KYAT1: variants seen among roughly 807,000 people sequenced by gnomAD.
KYAT1 encodes the protein kynurenine aminotransferase 1, also known as kynurenine--oxoglutarate transaminase 1.
A neutral mutation model predicts 52.4 loss-of-function variants in KYAT1; 47 were observed. That is an observed-to-expected ratio of 0.90 (90% CI 0.71 to 1.14). The LOEUF (loss-of-function observed/expected upper bound fraction) is 1.14. Among genes scored for constraint, KYAT1 ranks in the 50% most tolerant of loss-of-function variants. The pLI is 0.00. For synonymous variants in KYAT1, 212 were observed against 209.6 expected (o/e 1.01, Z -0.10); for missense variants, 480 against 557.9 (o/e 0.86, Z 1.41).
At chr9:128,847,064 C>T (rs1833214738) in intron 1 of KYAT1, among the ~76,000 whole-genome samples, 1 of 152,158 alleles carries the variant, frequency 6.6e-6, no homozygotes. Context: ...AATCTCAACA[C>T]CAGGCCCCCC....
At chr9:128,840,259 A>C (rs1302411332) in intron 3 of KYAT1, among the ~76,000 whole-genome samples, 3 of 132,140 alleles carry the variant, frequency 2.3e-5, no homozygotes, top group Non-Finnish European at 4.8e-5. Flanking sequence ...TAACATAAGG[A>C]GACCCTGTCT....
chr9:128,869,505 G>A (rs1375549842), intron 1 of KYAT1, among the ~76,000 whole-genome samples: 1 of 152,302 alleles, frequency 6.6e-6, no homozygotes, highest in East Asian at 1.9e-4. Context: ...TCAACAAAGG[G>A]TGCTGGGACA....
At chr9:128,833,930 T>G in intron 11 of KYAT1, 104 bp from the exon 12 acceptor site, 1 of 841,122 alleles carries the variant, frequency 1.2e-6, no homozygotes, top group African/African-American at 1.7e-5. Flanking sequence ...GAAGGAGAGT[T>G]AGCTCCAATC....
chr9:128,840,392 G>A (rs1564456077), intron 3 of KYAT1, among the ~76,000 whole-genome samples: 1 of 152,142 alleles, frequency 6.6e-6, no homozygotes, highest in African/African-American at 2.4e-5. Context: ...CCAAGTAGTT[G>A]GGATTACAGG....
intron 1 of KYAT1, among the ~76,000 whole-genome samples, chr9:128,851,833 T>C (rs1287166864): frequency 6.6e-6 from 1 of 152,166 alleles, no homozygotes; most frequent in Non-Finnish European, 1.5e-5. Flanking sequence ...TTACAGGAGG[T>C]AATATATCCT....
In KYAT1 at chr9:128,837,024, T is replaced by C. The variant is rs1223268034; in HGVS notation, c.568-102A>G. On this transcript the variant is annotated intron_variant, in intron 6 of 12. Coordinates refer to ENST00000302586, the MANE Select transcript of KYAT1 (RefSeq NM_004059.5). ...AGAACACAGCTGCGGCCAGGTGCGG[T>C]GGCTCACGCCTGTAATCCTAGCACT... 8.2e-6 allele frequency: 12 copies of C among 1,455,486 alleles called. No homozygotes were observed. In the Admixed American group the frequency reaches 2.2e-4, roughly 26 times the overall value. 90.2% of individuals were successfully genotyped at this position (1,455,486 alleles called of 1,614,324 possible). A position where few individuals can be genotyped will look rare whatever the true frequency, so the allele number is the denominator to read the frequency against.
At chr9:128,869,608 T>G (rs974693432) in intron 1 of KYAT1, among the ~76,000 whole-genome samples, 2 of 152,092 alleles carry the variant, frequency 1.3e-5, no homozygotes. Context: ...CTTCGAAAAT[T>G]TTTATTGCAG....
In KYAT1 at chr9:128,842,698, C is replaced by T. The variant is rs182982386; in HGVS notation, c.157G>A (p.Ala53Thr). 430 of 1,614,134 alleles carry T rather than the reference C, an allele frequency of 2.7e-4. 1 individual carries two copies. The African/African-American group carries it at 4.9e-3, about 19-fold the overall frequency. Residue 53 changes from alanine (A) to threonine (T), a missense_variant, in exon 3 of 13, where the codon GCT becomes ACT. Transcript: ENST00000302586. Reference protein sequence around the residue: ...PDFAVEAFQHAVSGDFMLNQY... With the variant: ...PDFAVEAFQHTVSGDFMLNQY... ...TTAAGCATGAAGTCTCCACTGACAGCGTGCTGAAAGGCTTCCACGGCAAAG... is the reference window on the plus strand; with the variant it reads ...TTAAGCATGAAGTCTCCACTGACAGTGTGCTGAAAGGCTTCCACGGCAAAG...
rs747964382 is a variant in KYAT1 at position 128,835,552 on chromosome 9, A to G, written c.971T>C (p.Leu324Pro). 3.7e-6 allele frequency: 6 copies of G among 1,613,698 alleles called. No homozygotes were observed. The highest frequency in any genetic ancestry group is 5.1e-6 in the Non-Finnish European group (6 of 1,180,014). Reference sequence around the variant, plus strand: ...GATGGGCTTCAGGCCCACTGACTGTAGGCTACGTATCATGTGGTCACGGCA... The same window carrying G: ...GATGGGCTTCAGGCCCACTGACTGTGGGCTACGTATCATGTGGTCACGGCA... ...QRCRDHMIRS[L>P]QSVGLKPIIP... Residue 324 changes from leucine (L) to proline (P), a missense_variant, in exon 10 of 13, where the codon CTA becomes CCA. Coordinates refer to ENST00000302586, the MANE Select transcript of KYAT1 (RefSeq NM_004059.5).
chr9:128,867,010 C>G (rs61233441), intron 1 of KYAT1, among the ~76,000 whole-genome samples: 8,425 of 152,072 alleles, frequency 0.055, 277 homozygotes, highest in African/African-American at 0.096. Context: ...TCAGATGGGC[C>G]AAGACAAACT....
chr9:128,865,335 ATATATATATATATATATATATATATTTT>A (rs1836138128), intron 1 of KYAT1, among the ~76,000 whole-genome samples: 1 of 1,558 alleles, frequency 6.4e-4, no homozygotes, highest in African/African-American at 1.3e-3. Flanking sequence ...ATATATATAT[ATATATATATATATATATATATATATTTT>A]TTTTTTTTTT....
chr9:128,846,599 CCAAA>C, intron 1 of KYAT1: 7 of 805,834 alleles, frequency 8.7e-6, no homozygotes, highest in Non-Finnish European at 1.0e-5. Flanking sequence ...CAAGACTCTA[CCAAA>C]AAAAAAAAAA....
At chr9:128,856,752 A>C (rs951582575) in intron 1 of KYAT1, among the ~76,000 whole-genome samples, 1 of 152,238 alleles carries the variant, frequency 6.6e-6, no homozygotes, top group African/African-American at 2.4e-5. Context: ...GGCACAACGC[A>C]CTGCGGAAAG....
intron 1 of KYAT1, among the ~76,000 whole-genome samples, chr9:128,876,350 G>A (rs1181840287): frequency 2.0e-5 from 3 of 150,392 alleles, no homozygotes; most frequent in Non-Finnish European, 4.4e-5. Flanking sequence ...GCCTCCTAAA[G>A]TCCTGGGATT....
At chr9:128,877,791 T>C (rs568828888) in intron 1 of KYAT1, among the ~76,000 whole-genome samples, 1 of 152,338 alleles carries the variant, frequency 6.6e-6, no homozygotes, top group East Asian at 1.9e-4. Context: ...GGGAGAGCTA[T>C]CTGGAGCCTT....
upstream of KYAT1, chr9:128,882,490 C>T (rs1196485722): frequency 1.0e-5 from 4 of 387,040 alleles, no homozygotes; most frequent in Non-Finnish European, 1.4e-5. Context: ...CCAGGCACCC[C>T]TGTGCCTCCT....
At chr9:128,879,810 C>T (rs1355178201) in intron 1 of KYAT1, among the ~76,000 whole-genome samples, 1 of 152,218 alleles carries the variant, frequency 6.6e-6, no homozygotes, top group Non-Finnish European at 1.5e-5. Flanking sequence ...GGGCTTCCGC[C>T]CTCAAAGTAC....
At chr9:128,846,537 T>A (rs1297889516) in intron 1 of KYAT1, 1 of 554,408 alleles carries the variant, frequency 1.8e-6, no homozygotes, top group Non-Finnish European at 3.1e-6. Flanking sequence ...AGATGGAGAT[T>A]GCAGTGGGCC....
intron 1 of KYAT1, among the ~76,000 whole-genome samples, chr9:128,873,946 A>C (rs1588157514): frequency 1.3e-3 from 1 of 746 alleles, no homozygotes; most frequent in Non-Finnish European, 7.5e-3. Flanking sequence ...TCTCCGTCTC[A>C]AAAAAAAAAA....
Sources: allele counts gnomAD v4.1 joint callset (sites outside exome capture counted in the v4.1 genomes callset), GRCh38; gene constraint gnomAD v4.1.1; transcripts MANE v1.5; gene names NCBI Gene and HGNC (gene_info 2026-07-23, HGNC 2026-07-21).